The following DOCK8 variants were observed in gnomAD, a reference collection of about 807,000 sequenced individuals.
DOCK8 encodes dedicator of cytokinesis 8.
Under a neutral mutation model 245.6 loss-of-function variants are expected in DOCK8, and 141 were observed. The ratio of observed to expected loss-of-function variants is 0.57; its 90% CI spans 0.50 to 0.66. The LOEUF (loss-of-function observed/expected upper bound fraction) is 0.66, where lower values mean the gene tolerates loss of function less well. Among genes scored for constraint, DOCK8 ranks in the 30% least tolerant of loss-of-function variants. The probability of loss-of-function intolerance (pLI) is 0.00; values close to 1 mark genes in which losing one functional copy is unlikely to be tolerated. For missense variants in DOCK8, 2,965 were observed against 2,603.4 expected (o/e 1.14, Z -3.02); for synonymous variants, 1,168 against 970.2 (o/e 1.20, Z -3.79).
intron 40 of DOCK8, among the ~76,000 whole-genome samples, chr9:440,724 T>C (rs1048977208): frequency 5.9e-5 from 9 of 152,148 alleles, no homozygotes; most frequent in Non-Finnish European, 1.2e-4. Context: ...CTGTTTTTTC[T>C]TTTCGTTTTG....
At position 426,873 on chromosome 9, in the gene DOCK8, G is replaced by A. The variant is rs776259602; in HGVS notation, c.4242-12G>A. 1.9e-6 allele frequency: 3 copies of A among 1,613,288 alleles called. No homozygotes were observed. The highest frequency in any genetic ancestry group is 2.5e-6 in the Non-Finnish European group (3 of 1,179,380). On this transcript the variant is annotated splice_polypyrimidine_tract_variant and intron_variant, in intron 33 of 47. Transcript: ENST00000432829. ...GACATGCGCTTTAATTTGACCTCTT[G>A]TTGTTTCCTAGAACAAAGGCCGAGT...
At position 318,409 on chromosome 9, in the gene DOCK8, A is replaced by G. The variant is rs12352287; in HGVS notation, c.827+1281A>G. 5.5e-3 allele frequency among the ~76,000 whole-genome samples: 836 copies of G among 152,286 alleles called. 4 individuals are homozygous for G. The highest frequency in any genetic ancestry group is 0.019 in the African/African-American group (780 of 41,538). On this transcript the variant is annotated intron_variant, in intron 7 of 47. Transcript: ENST00000432829. ...TTCAACCCCTGGGAACTTCCCTGGG[A>G]TTTTGAGTTCTTCCCTATAAATGAA...
rs186913911 is a variant in DOCK8 at position 228,469 on chromosome 9, T to A, written c.53+13440T>A. ...GTTTAAAATTTTATTATTTTTATAT[T>A]TATCTTCATATGTTTAAATTTGAAA... On this transcript the variant is annotated intron_variant, in intron 1 of 47. Transcript: ENST00000432829. Among the ~76,000 whole-genome samples, 276 of 152,268 alleles carry A rather than the reference T, an allele frequency of 1.8e-3. 1 individual carries two copies. Among genetic ancestry groups the A allele is most frequent in the Middle Eastern group, 3.4e-3 (1 of 294 alleles).
rs752670084 is a variant in DOCK8, at chr9:414,755, C to G, written c.3531-27C>G. ...TTAGTCAATTTCCTTTCACCATAAC[C>G]TCTTGATTCCTGTGTTGTGCCAACA... On this transcript the variant is annotated intron_variant, in intron 28 of 47. Transcript: ENST00000432829. The G allele has an allele frequency of 2.4e-5, 38 of 1,613,984 alleles. No individual in the cohort carries two copies. The Admixed American group carries it at 2.7e-4, about 11-fold the overall frequency.
intron 4 of DOCK8, among the ~76,000 whole-genome samples, chr9:295,301 C>G (rs1435921710): frequency 6.6e-6 from 1 of 152,134 alleles, no homozygotes; most frequent in Non-Finnish European, 1.5e-5. Context: ...AGAGGGCTGA[C>G]TACAAAAGGA....
intron 5 of DOCK8, among the ~76,000 whole-genome samples, chr9:305,453 C>CT (rs750739326): frequency 1.3e-5 from 2 of 148,460 alleles, no homozygotes; most frequent in Non-Finnish European, 2.9e-5. Context: ...CAGCTAATTT[C>CT]TTTTTGTATT....
intron 1 of DOCK8, among the ~76,000 whole-genome samples, chr9:223,150 C>G (rs1189569926): frequency 6.6e-6 from 1 of 152,146 alleles, no homozygotes; most frequent in Non-Finnish European, 1.5e-5. Context: ...TCATTCTCAT[C>G]AAAGGGCAAA....
chr9:291,483 A>G (rs1435421468), intron 4 of DOCK8, among the ~76,000 whole-genome samples: 1 of 152,164 alleles, frequency 6.6e-6, no homozygotes, highest in African/African-American at 2.4e-5. Context: ...TTTTTGTAAC[A>G]TGCATTTTCA....
At chr9:421,858 C>G (rs1034059956) in intron 32 of DOCK8, among the ~76,000 whole-genome samples, 190 bp from the exon 33 acceptor site, 1 of 152,112 alleles carries the variant, frequency 6.6e-6, no homozygotes, top group Non-Finnish European at 1.5e-5. Context: ...ATATTCTAGT[C>G]TATCAATCAA....
At chr9:438,878 G>A (rs1320018234) in intron 39 of DOCK8, among the ~76,000 whole-genome samples, 1 of 152,208 alleles carries the variant, frequency 6.6e-6, no homozygotes, top group African/African-American at 2.4e-5. Context: ...TCCACTCGGT[G>A]AAACAGGGAG....
chr9:220,527 T>C (rs1587605525), intron 1 of DOCK8, among the ~76,000 whole-genome samples: 1 of 152,114 alleles, frequency 6.6e-6, no homozygotes, highest in East Asian at 1.9e-4. Flanking sequence ...CAACTTTCCG[T>C]CCTCTTTAAG....
At chr9:400,264 TCC>T (rs2054810003) in intron 26 of DOCK8, among the ~76,000 whole-genome samples, 1 of 35,206 alleles carries the variant, frequency 2.8e-5, no homozygotes. Flanking sequence ...CACCACCACC[TCC>T]ACCATCACCA....
chr9:395,570 C>T (rs1167601854), intron 24 of DOCK8, among the ~76,000 whole-genome samples: 1 of 126,996 alleles, frequency 7.9e-6, no homozygotes, highest in East Asian at 2.8e-4. Flanking sequence ...AGTAGTATTG[C>T]AGTGGCTGTC....
chr9:243,342 A>C (rs902609494), intron 1 of DOCK8, among the ~76,000 whole-genome samples: 1 of 152,160 alleles, frequency 6.6e-6, no homozygotes, highest in Non-Finnish European at 1.5e-5. Flanking sequence ...TGTGAATCGC[A>C]CTGCAAACAG....
At chr9:381,568 C>T (rs2053721463) in intron 21 of DOCK8, among the ~76,000 whole-genome samples, 1 of 152,130 alleles carries the variant, frequency 6.6e-6, no homozygotes, top group African/African-American at 2.4e-5. Context: ...TCAGTGAGTT[C>T]ACAAAATTGC....
intron 20 of DOCK8, among the ~76,000 whole-genome samples, 156 bp downstream of exon 20, chr9:377,367 T>C (rs2053562419): frequency 6.6e-6 from 1 of 152,226 alleles, no homozygotes; most frequent in Non-Finnish European, 1.5e-5. Flanking sequence ...GCTATTTTTT[T>C]TTTGAGACTC....
chr9:428,868 TC>T (rs1442651130), intron 35 of DOCK8, among the ~76,000 whole-genome samples: 3 of 152,228 alleles, frequency 2.0e-5, no homozygotes, highest in Admixed American at 2.0e-4. Flanking sequence ...TTACAAAATG[TC>T]ATGCCATAAA....
chr9:261,526 G>A (rs986020142), intron 1 of DOCK8, among the ~76,000 whole-genome samples: 3 of 152,078 alleles, frequency 2.0e-5, no homozygotes, highest in Non-Finnish European at 2.9e-5. Context: ...TTTTATGGTC[G>A]GGGATATGGT....
intron 47 of DOCK8, 110 bp from the exon 48 acceptor site, chr9:464,049 T>A: frequency 2.2e-6 from 2 of 926,024 alleles, no homozygotes; most frequent in Non-Finnish European, 1.8e-6. Flanking sequence ...ATGACTGATG[T>A]CCATTTCTAC....
Sources: gnomAD v4.1 joint callset for allele counts (sites outside exome capture counted in the v4.1 genomes callset) on GRCh38, gnomAD v4.1.1 for gene constraint, MANE v1.5 for transcripts, NCBI Gene and HGNC (gene_info 2026-07-23, HGNC 2026-07-21) for gene names.